Variants in SLC15A2 observed in about 807,000 individuals in gnomAD.
SLC15A2 encodes the protein kidney H(+)/peptide cotransporter.
A neutral mutation model predicts 95.5 loss-of-function variants in SLC15A2; 77 were observed. That is an observed-to-expected ratio of 0.81 (90% CI 0.67 to 0.97). The LOEUF (loss-of-function observed/expected upper bound fraction) is 0.97. Among genes scored for constraint, SLC15A2 ranks in the 50% least tolerant of loss-of-function variants. The pLI is 0.00. For missense variants in SLC15A2, 893 were observed against 874.4 expected (o/e 1.02, Z -0.27); for synonymous variants, 306 against 306.9 (o/e 1.00, Z 0.03).
At chr3:121,895,062 T>G (rs774887912) in intron 1 of SLC15A2, among the ~76,000 whole-genome samples, 3 of 152,208 alleles carry the variant, frequency 2.0e-5, no homozygotes, top group Admixed American at 1.3e-4. Context: ...AAACAGAGAA[T>G]AGTAATGTTT....
At chr3:121,912,963 C>T (rs1709803648) in intron 4 of SLC15A2, 58 bp from the exon 5 acceptor site, 2 of 1,210,526 alleles carry the variant, frequency 1.7e-6, no homozygotes, top group African/African-American at 1.5e-5. Flanking sequence ...CTCTGTAGTC[C>T]ATCTCTACAG....
rs201993309 is a variant in SLC15A2 at position 121,915,308 on chromosome 3, A to T, written c.610A>T (p.Met204Leu). The stretch of plus-strand genomic sequence containing the variant: ...CTTGATTTCTACATTTATCACACCC[A>T]TGCTGAGAGGTTAGGATTTTTTTGA... ...GSLISTFITP[M>L]LRGDVQCFGE... The change falls in exon 6 of 22, where the codon ATG becomes TTG. Residue 204 changes from methionine (M) to leucine (L), a missense_variant. Transcript: ENST00000489711. 3 of 1,599,364 alleles carry T rather than the reference A, an allele frequency of 1.9e-6. No individual in the cohort carries two copies. The East Asian group carries it at 6.9e-5, about 37-fold the overall frequency.
chr3:121,900,919 G>A (rs1709507530), intron 3 of SLC15A2, among the ~76,000 whole-genome samples: 1 of 150,316 alleles, frequency 6.7e-6, no homozygotes, highest in Non-Finnish European at 1.5e-5. Context: ...AACACTTAGA[G>A]GACAAAGTCA....
chr3:121,912,957 G>A, intron 4 of SLC15A2, 64 bp from the exon 5 acceptor site: 2 of 1,167,092 alleles, frequency 1.7e-6, no homozygotes, highest in Non-Finnish European at 2.6e-6. Context: ...CTGCAGCTCT[G>A]TAGTCCATCT....
Position 121,942,751 on chromosome 3 carries a change from T to C in SLC15A2, c.*1744T>C, listed in dbSNP as rs1011571414. 4 of 152,166 alleles carry C rather than the reference T, an allele frequency of 2.6e-5. No homozygotes were observed. The highest frequency in any genetic ancestry group is 5.9e-5 in the Non-Finnish European group (4 of 68,026). 9.4% of individuals were successfully genotyped at this position (152,166 alleles called of 1,614,324 possible). On this transcript the variant is annotated 3_prime_UTR_variant, in exon 22 of 22. Coordinates refer to ENST00000489711, the MANE Select transcript of SLC15A2 (RefSeq NM_021082.4). ...ATAGAAGTGTCTATGGACAAATAAG[T>C]TTGGGAAATGTGGCATACTGTATCC...
chr3:121,898,515 C>A (rs750193153), intron 3 of SLC15A2, among the ~76,000 whole-genome samples: 1 of 152,088 alleles, frequency 6.6e-6, no homozygotes, highest in Admixed American at 6.6e-5. Flanking sequence ...TTTCTATGGA[C>A]CTGTCATCCA....
chr3:121,905,544 T>C, intron 3 of SLC15A2, among the ~76,000 whole-genome samples: 1 of 152,236 alleles, frequency 6.6e-6, no homozygotes, highest in East Asian at 1.9e-4. Flanking sequence ...TTCTGGTATG[T>C]TGTGTCTTTG....
In SLC15A2 at chr3:121,931,693, T is replaced by C; in HGVS notation, c.1719T>C (p.Gly573=). 1 of 1,613,550 alleles carries C rather than the reference T, an allele frequency of 6.2e-7. No individual in the cohort carries two copies. Among genetic ancestry groups the C allele is most frequent in the Non-Finnish European group, 8.5e-7 (1 of 1,179,528 alleles). Reference sequence around the variant, plus strand: ...ATAAGAACTTTTCTCTGAATTTGGGTCTTCTAGACTTTGGTGCAGCATATC... The same window carrying C: ...ATAAGAACTTTTCTCTGAATTTGGGCCTTCTAGACTTTGGTGCAGCATATC... ...TEDKNFSLNL[G]LLDFGAAYLF... is the part of the protein sequence containing the mutation. Residue 573 remains glycine, a synonymous_variant, in exon 19 of 22, where the codon GGT becomes GGC. Coordinates refer to ENST00000489711, the MANE Select transcript of SLC15A2 (RefSeq NM_021082.4).
intron 19 of SLC15A2, among the ~76,000 whole-genome samples, chr3:121,934,180 T>G (rs2107608700): frequency 6.6e-6 from 1 of 152,360 alleles, no homozygotes; most frequent in East Asian, 1.9e-4. Flanking sequence ...GTAGTATAGT[T>G]TGAAGTCAGG....
At chr3:121,911,003 T>C (rs1433924119) in intron 3 of SLC15A2, among the ~76,000 whole-genome samples, 1 of 152,226 alleles carries the variant, frequency 6.6e-6, no homozygotes, top group African/African-American at 2.4e-5. Context: ...AGGATTACAA[T>C]TAATCCAAGA....
At chr3:121,907,857 G>C (rs1367912488) in intron 3 of SLC15A2, among the ~76,000 whole-genome samples, 9 of 152,362 alleles carry the variant, frequency 5.9e-5, no homozygotes, top group African/African-American at 1.7e-4. Flanking sequence ...GAGGCAGTCT[G>C]TCCGTTCTCA....
rs531171548 is a variant in SLC15A2 at position 121,915,337 on chromosome 3, G to A, written c.619+20G>A. The A allele has an allele frequency of 1.4e-5, 21 of 1,554,580 alleles. No individual in the cohort carries two copies. The Admixed American group carries it at 1.7e-4, about 12-fold the overall frequency. ...TGAGAGGTTAGGATTTTTTTGAGGG[G>A]CCCTGTATAAGGCTTTGCTCTGGTC... is the stretch of plus-strand genomic sequence containing the variant. On this transcript the variant is annotated intron_variant, in intron 6 of 21. Coordinates refer to ENST00000489711, the MANE Select transcript of SLC15A2 (RefSeq NM_021082.4).
Position 121,926,457 on chromosome 3 carries a change from A to C in SLC15A2, c.1125-1301A>C, listed in dbSNP as rs76487481. 4.8e-3 allele frequency among the ~76,000 whole-genome samples: 731 copies of C among 152,310 alleles called. 9 individuals carry two copies. The highest frequency in any genetic ancestry group is 0.017 in the African/African-American group (693 of 41,560). On this transcript the variant is annotated intron_variant, in intron 13 of 21. Coordinates refer to ENST00000489711, the MANE Select transcript of SLC15A2 (RefSeq NM_021082.4). ...CATGTCTGTTTCTCCAGAGGGTACA[A>C]GCCATAAACCTTGGTGGCTTCTACA...
At chr3:121,915,040 G>A in intron 5 of SLC15A2, 187 bp from the exon 6 acceptor site, 2 of 1,348,362 alleles carry the variant, frequency 1.5e-6, no homozygotes, top group Non-Finnish European at 1.9e-6. Flanking sequence ...GAGTTTGAAA[G>A]GTGAGTAAAT....
At position 121,911,629 on chromosome 3, in the gene SLC15A2, G is replaced by C; in HGVS notation, c.391G>C (p.Gly131Arg). Residue 131 changes from glycine (G) to arginine (R), a missense_variant, in exon 4 of 22, where the codon GGT becomes CGT. By Grantham distance (125) the Gly-to-Arg change is moderately radical. Transcript: ENST00000489711. The part of the protein sequence containing the change: ...YVLGHVIKSL[G>R]ALPILGGQVV... ...GCTTGGCCATGTGATCAAGTCCTTG[G>C]GTGCCTTACCAATACTGGGAGGACA... 6.2e-7 allele frequency: 1 copy of C among 1,613,812 alleles called. No individual in the cohort carries two copies. The highest frequency in any genetic ancestry group is 2.2e-5 in the East Asian group (1 of 44,864).
chr3:121,914,254 T>C (rs1447568231), intron 5 of SLC15A2, among the ~76,000 whole-genome samples: 3 of 152,076 alleles, frequency 2.0e-5, no homozygotes, highest in Admixed American at 6.5e-5. Context: ...ACACTATAAA[T>C]AGAAAATGGG....
In SLC15A2 at chr3:121,943,920, C is replaced by A. The variant is rs78573588; in HGVS notation, c.*2913C>A. 6.6e-6 allele frequency: 1 copy of A among 152,088 alleles called. No individual in the cohort carries two copies. The highest frequency in any genetic ancestry group is 1.5e-5 in the Non-Finnish European group (1 of 68,020). The allele number at this position is 152,088 out of a possible 1,614,324, so 9.4% of individuals were successfully genotyped here. A position where few individuals can be genotyped will look rare whatever the true frequency, so the allele number is the denominator to read the frequency against. On this transcript the variant is annotated 3_prime_UTR_variant, in exon 22 of 22. Transcript: ENST00000489711. Reference sequence around the variant, plus strand: ...ACTTAAACATATCTAAACATAGAAACGGTACAAAAAACTTTACACATTATA... The same window carrying A: ...ACTTAAACATATCTAAACATAGAAAAGGTACAAAAAACTTTACACATTATA...
rs1307392514 is a variant in SLC15A2 at position 121,941,104 on chromosome 3, A to G, written c.*97A>G. ...TAGACAAGAGAGATAGCAGCATATC[A>G]GAGCTGATCTCCTCCACCTTTCTCC... On this transcript the variant is annotated 3_prime_UTR_variant, in exon 22 of 22. Transcript: ENST00000489711. 4 of 1,085,366 alleles carry G rather than the reference A, an allele frequency of 3.7e-6. No individual in the cohort carries two copies. Among genetic ancestry groups the G allele is most frequent in the Non-Finnish European group, 5.3e-6 (4 of 761,670 alleles). The allele number at this position is 1,085,366 out of a possible 1,614,324, so 67.2% of individuals were successfully genotyped here. A position where few individuals can be genotyped will look rare whatever the true frequency, so the allele number is the denominator to read the frequency against.
intron 3 of SLC15A2, among the ~76,000 whole-genome samples, chr3:121,899,395 C>T (rs745767027): frequency 1.5e-4 from 23 of 152,086 alleles, no homozygotes; most frequent in Non-Finnish European, 2.9e-4. Flanking sequence ...CTCACTATTC[C>T]CCTCTCTTGC....
Sources: allele counts gnomAD v4.1 joint callset (sites outside exome capture counted in the v4.1 genomes callset), GRCh38; gene constraint gnomAD v4.1.1; transcripts MANE v1.5; gene names NCBI Gene and HGNC (gene_info 2026-07-23, HGNC 2026-07-21).